GLIPR1: variants seen among roughly 807,000 people sequenced by gnomAD.
GLIPR1 encodes glioma pathogenesis-related protein 1.
Under a neutral mutation model 30.3 loss-of-function variants are expected in GLIPR1, and 38 were observed. The observed-to-expected ratio is 1.26, with a 90% CI of 0.97 to 1.65. The LOEUF is 1.65. Among genes scored for constraint, GLIPR1 ranks in the 40% most tolerant of loss-of-function variants. The pLI is 0.00. For missense variants in GLIPR1, 285 were observed against 326.5 expected (o/e 0.87, Z 0.98); for synonymous variants, 122 against 110.6 (o/e 1.10, Z -0.65).
At chr12:75,485,152 A>T (rs1273471727) in intron 2 of GLIPR1, among the ~76,000 whole-genome samples, 1 of 152,222 alleles carries the variant, frequency 6.6e-6, no homozygotes, top group African/African-American at 2.4e-5. Flanking sequence ...TCTTCTCTTC[A>T]AAAATCGAGC....
chr12:75,481,920 C>T lies in GLIPR1; in HGVS notation c.261C>T (p.His87=). The change falls in exon 2 of 6, where the codon CAC becomes CAT. Residue 87 remains histidine (H), a synonymous_variant. Transcript: ENST00000266659. ...ATAATACACGGCTGAAGCCACCCCA[C>T]AAGCTGCACCCAAACTTCACTTCAC... ...FSHNTRLKPP[H]KLHPNFTSLG... 6.2e-7 allele frequency: 1 copy of T among 1,614,164 alleles called. No individual in the cohort carries two copies. Among genetic ancestry groups the T allele is most frequent in the South Asian group, 1.1e-5 (1 of 91,090 alleles).
intron 4 of GLIPR1, chr12:75,495,968 G>C (rs1472819798): frequency 1.1e-5 from 2 of 190,282 alleles, no homozygotes; most frequent in Non-Finnish European, 2.1e-5. Flanking sequence ...AGTATAACAG[G>C]TCATCCAAAC....
At chr12:75,487,053 A>G (rs1016500030) in intron 2 of GLIPR1, among the ~76,000 whole-genome samples, 13 of 152,224 alleles carry the variant, frequency 8.5e-5, no homozygotes, top group African/African-American at 3.1e-4. Context: ...CTGAGGAAAA[A>G]GTATTAAAAT....
In GLIPR1 at chr12:75,501,375, A is replaced by G. The variant is rs2046392689; in HGVS notation, c.*2397A>G. On this transcript the variant is annotated 3_prime_UTR_variant, in exon 6 of 6. Coordinates refer to ENST00000266659, the MANE Select transcript of GLIPR1 (RefSeq NM_006851.3). ...AAGAGAAGAAAAAGTACAACTTCTG[A>G]TAATTCCTCTTTGAGAGGCATGACA... The G allele has an allele frequency of 5.1e-6, 1 of 194,378 alleles. No homozygotes were observed. Among genetic ancestry groups the G allele is most frequent in the African/African-American group, 2.4e-5 (1 of 42,548 alleles). The allele number at this position is 194,378 out of a possible 1,614,324, so 12.0% of individuals were successfully genotyped here. A position where few individuals can be genotyped will look rare whatever the true frequency, so the allele number is the denominator to read the frequency against.
chr12:75,487,544 A>T (rs2046299157), intron 2 of GLIPR1, among the ~76,000 whole-genome samples: 1 of 152,142 alleles, frequency 6.6e-6, no homozygotes, highest in Admixed American at 6.5e-5. Flanking sequence ...CTTTTAGATC[A>T]TGGAGTAGGG....
rs780547014 is a variant in GLIPR1, at chr12:75,480,836, G to GC, written c.-44dup. ...GGCAATCACACTCTCAGAAACTGCG[G>GC]CGGCTCTGGACTGCAGCCTCCCAAG... On this transcript the variant is annotated 5_prime_UTR_variant, in exon 1 of 6. Coordinates refer to ENST00000266659, the MANE Select transcript of GLIPR1 (RefSeq NM_006851.3). The GC allele has an allele frequency of 1.3e-6, 2 of 1,500,174 alleles. No individual in the cohort carries two copies. The highest frequency in any genetic ancestry group is 3.9e-5 in the Admixed American group (2 of 51,826). The allele number at this position is 1,500,174 out of a possible 1,614,324, so 92.9% of individuals were successfully genotyped here. A position where few individuals can be genotyped will look rare whatever the true frequency, so the allele number is the denominator to read the frequency against.
intron 3 of GLIPR1, chr12:75,492,324 C>G (rs1373683272): frequency 6.6e-6 from 1 of 152,242 alleles, no homozygotes; most frequent in East Asian, 1.9e-4. Flanking sequence ...TAAAGTGATC[C>G]ACCTGCCTCA....
chr12:75,499,416 T>C lies in GLIPR1; in HGVS notation c.*438T>C, dbSNP rs893346652. 3.1e-5 allele frequency: 5 copies of C among 160,260 alleles called. No individual in the cohort carries two copies. Among genetic ancestry groups the C allele is most frequent in the African/African-American group, 9.6e-5 (4 of 41,732 alleles). 9.9% of individuals were successfully genotyped at this position (160,260 alleles called of 1,614,324 possible). A position where few individuals can be genotyped will look rare whatever the true frequency, so the allele number is the denominator to read the frequency against. On this transcript the variant is annotated 3_prime_UTR_variant, in exon 6 of 6. Transcript: ENST00000266659. ...AGAACAGAGGAGTAACTAGGGGATC[T>C]GATTTTAGAGGCCTTAATTTTCTGT... is the stretch of plus-strand genomic sequence containing the variant.
intron 2 of GLIPR1, chr12:75,489,656 T>A (rs1429923297): frequency 3.3e-5 from 5 of 152,220 alleles, no homozygotes; most frequent in Non-Finnish European, 7.3e-5. Flanking sequence ...AAAATCCTTT[T>A]AACTTTACCT....
chr12:75,484,621 G>A (rs2046285361), intron 2 of GLIPR1: 1 of 152,212 alleles, frequency 6.6e-6, no homozygotes, highest in African/African-American at 2.4e-5. Flanking sequence ...GGGAGATGGG[G>A]TGGAGCTGTT....
chr12:75,498,576 C>A, intron 4 of GLIPR1, 118 bp from the exon 5 acceptor site: 1 of 743,222 alleles, frequency 1.3e-6, no homozygotes, highest in Admixed American at 2.5e-5. Context: ...TGGAAAGTCA[C>A]TGCAATAAAG....
intron 2 of GLIPR1, chr12:75,487,793 G>A (rs556452296): frequency 1.3e-4 from 59 of 456,350 alleles, no homozygotes; most frequent in South Asian, 5.3e-4. Context: ...CTTGAATCTC[G>A]CGCGAGAAAA....
At chr12:75,486,391 T>A (rs1261926880) in intron 2 of GLIPR1, among the ~76,000 whole-genome samples, 1 of 152,202 alleles carries the variant, frequency 6.6e-6, no homozygotes, top group Admixed American at 6.5e-5. Context: ...CAAGAATATT[T>A]GCTGAGTGCT....
chr12:75,490,745 C>T, intron 3 of GLIPR1: 1 of 398,220 alleles, frequency 2.5e-6, no homozygotes, highest in Non-Finnish European at 4.6e-6. Flanking sequence ...TGTGTGTGTA[C>T]ATCCTTTATA....
chr12:75,495,350 A>T (rs1247591136), intron 3 of GLIPR1: 1 of 412,640 alleles, frequency 2.4e-6, no homozygotes, highest in African/African-American at 2.0e-5. Flanking sequence ...GTCACAATTA[A>T]ATGGGATGCA....
In GLIPR1 at chr12:75,490,457, A is replaced by G. The variant is rs367564231; in HGVS notation, c.472A>G (p.Lys158Glu). The change falls in exon 3 of 6, where the codon AAA (lysine) becomes GAA (glutamate). Residue 158 changes from lysine to glutamate, a missense_variant. Transcript: ENST00000266659. ...TGGCTGCGCAGTTCAATTTTGCCCT[A>G]AAGTTTCTGGCTTTGACGCTCTTTC... is the stretch of plus-strand genomic sequence containing the variant. The part of the protein sequence containing the change: ...KVGCAVQFCP[K>E]VSGFDALSNG... 1.3e-6 allele frequency: 2 copies of G among 1,595,828 alleles called. No homozygotes were observed. Among genetic ancestry groups the G allele is most frequent in the South Asian group, 1.1e-5 (1 of 90,632 alleles).
In GLIPR1 at chr12:75,501,834, A is replaced by AAAT; in HGVS notation, c.*2858_*2860dup. On this transcript the variant is annotated 3_prime_UTR_variant, in exon 6 of 6. Coordinates refer to ENST00000266659, the MANE Select transcript of GLIPR1 (RefSeq NM_006851.3). ...TGTTTAGCCTACATTAATAAATAAA[A>AAAT]AATATATCAGTTAAATGTATTTATA... is the stretch of plus-strand genomic sequence containing the variant. 6.3e-7 allele frequency: 1 copy of AAAT among 1,579,468 alleles called. No homozygotes were observed. The highest frequency in any genetic ancestry group is 1.4e-5 in the African/African-American group (1 of 73,696).
chr12:75,502,216 G>A lies in GLIPR1; in HGVS notation c.*3238G>A, dbSNP rs1047943370. On this transcript the variant is annotated 3_prime_UTR_variant, in exon 6 of 6. Coordinates refer to ENST00000266659, the MANE Select transcript of GLIPR1 (RefSeq NM_006851.3). The stretch of plus-strand genomic sequence containing the variant: ...GCACCTCCATGGAATACAACCCAGA[G>A]TAGTTCAGGGATATGGCATGGAAGG... The A allele has an allele frequency of 1.3e-5, 6 of 476,108 alleles. No individual in the cohort carries two copies. The South Asian group carries it at 1.5e-4, about 12-fold the overall frequency. 29.5% of individuals were successfully genotyped at this position (476,108 alleles called of 1,614,324 possible). A position where few individuals can be genotyped will look rare whatever the true frequency, so the allele number is the denominator to read the frequency against.
In GLIPR1 at chr12:75,500,909, T is replaced by C. The variant is rs887128990; in HGVS notation, c.*1931T>C. On this transcript the variant is annotated 3_prime_UTR_variant, in exon 6 of 6. Coordinates refer to ENST00000266659, the MANE Select transcript of GLIPR1 (RefSeq NM_006851.3). ...AGGTTTTACAGACTGGAAATTATAA[T>C]ACTTATGACATTTCTACCTTTTATA... The C allele has an allele frequency of 6.6e-6, 1 of 152,104 alleles. No homozygotes were observed. The highest frequency in any genetic ancestry group is 2.4e-5 in the African/African-American group (1 of 41,440). The allele number at this position is 152,104 out of a possible 1,614,324, so 9.4% of individuals were successfully genotyped here. A position where few individuals can be genotyped will look rare whatever the true frequency, so the allele number is the denominator to read the frequency against.
Sources: gnomAD v4.1 joint callset for allele counts (sites outside exome capture counted in the v4.1 genomes callset) on GRCh38, gnomAD v4.1.1 for gene constraint, MANE v1.5 for transcripts, NCBI Gene and HGNC (gene_info 2026-07-23, HGNC 2026-07-21) for gene names.